The following TTC7B variants were observed in gnomAD, a reference collection of about 807,000 sequenced individuals.
TTC7B encodes tetratricopeptide repeat protein 7B.
A neutral mutation model predicts 106.8 loss-of-function variants in TTC7B; 28 were observed. The ratio of observed to expected loss-of-function variants is 0.26; its 90% CI spans 0.19 to 0.36. The LOEUF (loss-of-function observed/expected upper bound fraction) is 0.36, where lower values mean the gene tolerates loss of function less well. Ranked by LOEUF, TTC7B falls within the 10% of genes least tolerant of loss-of-function variation. TTC7B has a pLI of 1.00. For synonymous variants in TTC7B, 405 were observed against 430.6 expected, an observed-to-expected ratio of 0.94 and a Z score of 0.74; for missense variants, 862 against 1,076.4, an observed-to-expected ratio of 0.80 and a Z score of 2.79.
chr14:90,598,873 C>T (rs1318179593), intron 17 of TTC7B, among the ~76,000 whole-genome samples: 2 of 152,220 alleles, frequency 1.3e-5, no homozygotes, highest in African/African-American at 2.4e-5. Flanking sequence ...ACAGGCTGGG[C>T]GTGGTGGCTC....
intron 3 of TTC7B, among the ~76,000 whole-genome samples, chr14:90,761,955 G>C (rs1271499557): frequency 6.6e-6 from 1 of 152,174 alleles, no homozygotes; most frequent in African/African-American, 2.4e-5. Flanking sequence ...AAACATTCTA[G>C]TTCTTTCAAA....
intron 14 of TTC7B, among the ~76,000 whole-genome samples, chr14:90,646,399 C>T (rs1885453677): frequency 6.6e-6 from 1 of 152,240 alleles, no homozygotes; most frequent in Non-Finnish European, 1.5e-5. Context: ...GCCGACAAAA[C>T]TTGCCCCTCC....
At chr14:90,797,826 T>C (rs1259619295) in intron 1 of TTC7B, among the ~76,000 whole-genome samples, 1 of 152,052 alleles carries the variant, frequency 6.6e-6, no homozygotes, top group Non-Finnish European at 1.5e-5. Flanking sequence ...ACCTATAAGG[T>C]CCTTGACAGG....
At chr14:90,558,940 G>A (rs758094223) in intron 19 of TTC7B, among the ~76,000 whole-genome samples, 36 of 152,210 alleles carry the variant, frequency 2.4e-4, no homozygotes, top group Non-Finnish European at 4.9e-4. Flanking sequence ...AGCAACTGCC[G>A]CCTGGAAACT....
intron 9 of TTC7B, among the ~76,000 whole-genome samples, chr14:90,675,606 G>T (rs1886800707): frequency 6.6e-6 from 1 of 152,170 alleles, no homozygotes; most frequent in South Asian, 2.1e-4. Flanking sequence ...AGCCACACAG[G>T]CTCATCTGTT....
intron 19 of TTC7B, among the ~76,000 whole-genome samples, chr14:90,567,984 G>A (rs116291812): frequency 1.3e-3 from 201 of 152,314 alleles, no homozygotes; most frequent in African/African-American, 4.6e-3. Flanking sequence ...GGGTTGACAC[G>A]GCCCAAAGAG....
At chr14:90,599,541 GC>G (rs1245620055) in intron 17 of TTC7B, among the ~76,000 whole-genome samples, 2 of 152,234 alleles carry the variant, frequency 1.3e-5, no homozygotes, top group African/African-American at 4.8e-5. Flanking sequence ...TTGCTTCCCA[GC>G]CCTGGAGAAC....
intron 5 of TTC7B, among the ~76,000 whole-genome samples, chr14:90,708,145 C>CAAAAAAAA (rs56260414): frequency 4.9e-5 from 3 of 61,308 alleles, no homozygotes; most frequent in African/African-American, 1.3e-4. Flanking sequence ...GACTCCATCT[C>CAAAAAAAA]AAAAAAAAAA....
chr14:90,634,512 C>G (rs1454959720), intron 15 of TTC7B, among the ~76,000 whole-genome samples: 1 of 151,984 alleles, frequency 6.6e-6, no homozygotes, highest in Non-Finnish European at 1.5e-5. Context: ...TGGGTCAGGC[C>G]TGTAATCCCA....
chr14:90,555,692 G>A (rs1321442789), intron 19 of TTC7B, among the ~76,000 whole-genome samples: 1 of 152,218 alleles, frequency 6.6e-6, no homozygotes, highest in Non-Finnish European at 1.5e-5. Context: ...TCAGGAAAGA[G>A]AGGGAGAAAT....
intron 5 of TTC7B, among the ~76,000 whole-genome samples, chr14:90,710,238 G>A (rs1888394410): frequency 6.6e-6 from 1 of 152,120 alleles, no homozygotes; most frequent in Non-Finnish European, 1.5e-5. Flanking sequence ...GTAACTGCAG[G>A]CATGGTGATA....
chr14:90,599,052 G>A (rs1892325942), intron 17 of TTC7B, among the ~76,000 whole-genome samples: 1 of 152,222 alleles, frequency 6.6e-6, no homozygotes, highest in African/African-American at 2.4e-5. Context: ...TCGGGAGGCT[G>A]AGGCAGGAGA....
intron 17 of TTC7B, among the ~76,000 whole-genome samples, chr14:90,595,136 A>G (rs937261936): frequency 6.6e-6 from 1 of 152,128 alleles, no homozygotes; most frequent in Non-Finnish European, 1.5e-5. Context: ...GATCGAGACC[A>G]TCTTGGCTAA....
intron 5 of TTC7B, among the ~76,000 whole-genome samples, chr14:90,729,152 G>A (rs2139987552): frequency 6.6e-6 from 1 of 152,350 alleles, no homozygotes; most frequent in South Asian, 2.1e-4. Flanking sequence ...CAGTTTAATA[G>A]GACTTGAAAA....
chr14:90,671,148 C>T (rs1398126592), intron 9 of TTC7B, among the ~76,000 whole-genome samples: 1 of 152,118 alleles, frequency 6.6e-6, no homozygotes, highest in Non-Finnish European at 1.5e-5. Context: ...AGCAGGACTG[C>T]ACGCAATGCT....
At chr14:90,642,424 A>T (rs1308154620) in intron 15 of TTC7B, among the ~76,000 whole-genome samples, 4 of 152,188 alleles carry the variant, frequency 2.6e-5, no homozygotes, top group Admixed American at 6.5e-5. Flanking sequence ...GAGCTGACCC[A>T]CTTAAAGTTT....
At chr14:90,643,508 A>C (rs1595237562) in intron 15 of TTC7B, among the ~76,000 whole-genome samples, 1 of 152,128 alleles carries the variant, frequency 6.6e-6, no homozygotes, top group East Asian at 1.9e-4. Context: ...AGAGTGGATA[A>C]AGTATTTTAA....
intron 16 of TTC7B, among the ~76,000 whole-genome samples, chr14:90,613,307 A>T (rs1892945926): frequency 6.6e-6 from 1 of 152,088 alleles, no homozygotes; most frequent in Non-Finnish European, 1.5e-5. Flanking sequence ...AGGCAAGAGG[A>T]TGGCTTGAGC....
At chr14:90,613,429 G>T (rs915787749) in intron 16 of TTC7B, among the ~76,000 whole-genome samples, 1 of 152,106 alleles carries the variant, frequency 6.6e-6, no homozygotes, top group African/African-American at 2.4e-5. Context: ...ATTTGTGACC[G>T]ATTGAGAATT....
Sources: gnomAD v4.1 joint callset for allele counts (sites outside exome capture counted in the v4.1 genomes callset) on GRCh38, gnomAD v4.1.1 for gene constraint, MANE v1.5 for transcripts, NCBI Gene and HGNC (gene_info 2026-07-23, HGNC 2026-07-21) for gene names.